The following FGF12 variants were observed in gnomAD, a reference collection of about 807,000 sequenced individuals.
The protein encoded by FGF12 is fibroblast growth factor 12.
Under a neutral mutation model 23.6 loss-of-function variants are expected in FGF12, and 14 were observed. That is an observed-to-expected ratio of 0.59 (90% CI 0.39 to 0.93). The LOEUF (loss-of-function observed/expected upper bound fraction) is 0.93, where lower values mean the gene tolerates loss of function less well. Ranked by LOEUF, FGF12 falls within the 40% of genes least tolerant of loss-of-function variation. FGF12 has a pLI of 0.00. For synonymous variants in FGF12, 62 were observed against 77.3 expected (o/e 0.80, Z 1.04); for missense variants, 175 against 217.8 (o/e 0.80, Z 1.24).
chr3:192,716,558 G>T (rs945335032), intron 2 of FGF12, among the ~76,000 whole-genome samples: 3 of 152,112 alleles, frequency 2.0e-5, no homozygotes, highest in Non-Finnish European at 2.9e-5. Flanking sequence ...AGATAAAAAT[G>T]AGCAAAATAA....
chr3:192,586,879 T>C (rs978897090), intron 2 of FGF12, among the ~76,000 whole-genome samples: 3 of 152,224 alleles, frequency 2.0e-5, no homozygotes, highest in African/African-American at 7.2e-5. Flanking sequence ...TTCTTTCTAT[T>C]AAACTGCTGA....
intron 4 of FGF12, among the ~76,000 whole-genome samples, chr3:192,247,992 T>C (rs1193824707): frequency 2.0e-5 from 3 of 152,198 alleles, no homozygotes; most frequent in African/African-American, 4.8e-5. Context: ...CCTTCAAGAC[T>C]TTCTTATTTT....
chr3:192,609,176 T>C (rs1170594549), intron 2 of FGF12, among the ~76,000 whole-genome samples: 1 of 152,134 alleles, frequency 6.6e-6, no homozygotes, highest in East Asian at 1.9e-4. Context: ...GTGTTGATTC[T>C]GGACGGTAGT....
At chr3:192,484,943 C>G (rs9828923) in intron 2 of FGF12, among the ~76,000 whole-genome samples, 16,709 of 150,272 alleles carry the variant, frequency 0.11, 3,183 homozygotes, top group African/African-American at 0.39. Context: ...GATTGGTCTA[C>G]AGCCCCACCC....
At chr3:192,263,549 G>GAA (rs35020572) in intron 4 of FGF12, among the ~76,000 whole-genome samples, 15 of 140,498 alleles carry the variant, frequency 1.1e-4, no homozygotes, top group African/African-American at 3.1e-4. Context: ...AAAAAAGAGG[G>GAA]AAAAAAAAAA....
At chr3:192,341,715 A>C (rs1426784716) in intron 3 of FGF12, among the ~76,000 whole-genome samples, 1 of 152,164 alleles carries the variant, frequency 6.6e-6, no homozygotes, top group Admixed American at 6.5e-5. Flanking sequence ...TAAATAGATA[A>C]TATTCATTGA....
chr3:192,325,647 C>T lies in FGF12; in HGVS notation c.228+9714G>A, dbSNP rs115486022. Among the ~76,000 whole-genome samples, 178 of 152,266 alleles carry T rather than the reference C, an allele frequency of 1.2e-3. 1 individual carries two copies. Among genetic ancestry groups the T allele is most frequent in the African/African-American group, 4.1e-3 (171 of 41,566 alleles). ...AGTGGGCAACTGCTTTGTACCTCTACTCCAGATATGCTTGTTTTATAAAGC... is the reference window on the plus strand; with the variant it reads ...AGTGGGCAACTGCTTTGTACCTCTATTCCAGATATGCTTGTTTTATAAAGC... On this transcript the variant is annotated intron_variant, in intron 4 of 5. Coordinates refer to ENST00000445105, the MANE Select transcript of FGF12 (RefSeq NM_004113.6).
In FGF12 at chr3:192,495,575, A is replaced by C. The variant is rs144399704; in HGVS notation, c.14-135037T>G. Among the ~76,000 whole-genome samples the C allele has an allele frequency of 2.4e-4, 37 of 152,308 alleles. No individual in the cohort carries two copies. The East Asian group carries it at 4.2e-3, about 17-fold the overall frequency. On this transcript the variant is annotated intron_variant, in intron 2 of 5. Coordinates refer to ENST00000445105, the MANE Select transcript of FGF12 (RefSeq NM_004113.6). ...ACTCAAGGAAAGAATTAGCACACTC[A>C]TTTTCAAATAACACACAAAGCTTGT... is the stretch of plus-strand genomic sequence containing the variant.
intron 2 of FGF12, among the ~76,000 whole-genome samples, chr3:192,462,167 T>C (rs980224492): frequency 2.6e-5 from 4 of 152,174 alleles, no homozygotes; most frequent in African/African-American, 9.7e-5. Flanking sequence ...CTATTAAGAA[T>C]TTCTAATGTC....
chr3:192,359,414 T>C (rs1421726061), intron 3 of FGF12, among the ~76,000 whole-genome samples: 1 of 152,200 alleles, frequency 6.6e-6, no homozygotes, highest in African/African-American at 2.4e-5. Flanking sequence ...ATTATCAGCC[T>C]GATCACAAAA....
intron 2 of FGF12, among the ~76,000 whole-genome samples, chr3:192,583,082 T>A (rs1266875383): frequency 2.0e-5 from 3 of 152,218 alleles, no homozygotes; most frequent in Non-Finnish European, 4.4e-5. Flanking sequence ...CATGAAGAGA[T>A]CCTTAGTTCT....
chr3:192,654,926 A>G (rs527841580), intron 2 of FGF12, among the ~76,000 whole-genome samples: 39 of 152,252 alleles, frequency 2.6e-4, no homozygotes, highest in African/African-American at 9.1e-4. Context: ...AGATTGATGG[A>G]CCACATTTTT....
At chr3:192,424,481 G>A (rs1721633447) in intron 2 of FGF12, among the ~76,000 whole-genome samples, 1 of 152,106 alleles carries the variant, frequency 6.6e-6, no homozygotes. Flanking sequence ...ATATGTGTTA[G>A]ATGTTGCAGC....
intron 2 of FGF12, among the ~76,000 whole-genome samples, chr3:192,557,948 C>A (rs1254738155): frequency 6.6e-6 from 1 of 151,772 alleles, no homozygotes; most frequent in East Asian, 1.9e-4. Flanking sequence ...ATATAAAAAA[C>A]CAACAGATAA....
At chr3:192,334,695 C>T (rs1311640209) in intron 4 of FGF12, among the ~76,000 whole-genome samples, 1 of 152,092 alleles carries the variant, frequency 6.6e-6, no homozygotes, top group East Asian at 1.9e-4. Flanking sequence ...ATTTGAAAGA[C>T]ATGATACAAC....
intron 2 of FGF12, among the ~76,000 whole-genome samples, chr3:192,549,681 G>A (rs529563198): frequency 4.1e-4 from 63 of 152,272 alleles, no homozygotes; most frequent in African/African-American, 1.3e-3. Context: ...TTTTCATAGT[G>A]TGGGTGGGCC....
rs1553845519 is a variant in FGF12, at chr3:192,167,769, A to ATATATATATATATATAT, written c.427+2688_427+2689insATATATATATATATATA. On this transcript the variant is annotated intron_variant, in intron 5 of 5. Coordinates refer to ENST00000445105, the MANE Select transcript of FGF12 (RefSeq NM_004113.6). ...TATATATATATATATATATATATAT[A>ATATATATATATATATAT]AAATTTTTTTTTTTTTTTTTTTTTG... Among the ~76,000 whole-genome samples the ATATATATATATATATAT allele has an allele frequency of 1.2e-3, 47 of 38,834 alleles. 2 individuals carry two copies. The highest frequency in any genetic ancestry group is 4.2e-3 in the South Asian group (3 of 718). 25.5% of individuals were successfully genotyped at this position (38,834 alleles called of 152,430 possible).
intron 2 of FGF12, among the ~76,000 whole-genome samples, chr3:192,592,916 C>T (rs1212625922): frequency 6.6e-6 from 1 of 151,818 alleles, no homozygotes; most frequent in Non-Finnish European, 1.5e-5. Context: ...CATACAGAAG[C>T]TGATAATTCC....
intron 4 of FGF12, among the ~76,000 whole-genome samples, chr3:192,328,189 C>T (rs1223112828): frequency 3.9e-5 from 6 of 152,156 alleles, no homozygotes; most frequent in African/African-American, 1.2e-4. Context: ...ACATAAAGAA[C>T]TTGTCCAAAA....
Sources: allele counts gnomAD v4.1 joint callset (sites outside exome capture counted in the v4.1 genomes callset), GRCh38; gene constraint gnomAD v4.1.1; transcripts MANE v1.5; gene names NCBI Gene and HGNC (gene_info 2026-07-23, HGNC 2026-07-21).